PTGDS: variants seen among roughly 807,000 people sequenced by gnomAD.
PTGDS encodes the protein prostaglandin D2 synthase, also known as prostaglandin-H2 D-isomerase.
A neutral mutation model predicts 28.4 loss-of-function variants in PTGDS; 21 were observed. That is an observed-to-expected ratio of 0.74 (90% CI 0.52 to 1.07). PTGDS has a LOEUF of 1.07. Ranked by LOEUF, PTGDS falls within the 50% of genes least tolerant of loss-of-function variation. The pLI is 0.00. For missense variants in PTGDS, 243 were observed against 247.7 expected (o/e 0.98, Z 0.13); for synonymous variants, 102 against 106.0 (o/e 0.96, Z 0.23).
At chr9:136,978,805 G>A in intron 1 of PTGDS, 188 bp from the exon 2 acceptor site, 1 of 762,380 alleles carries the variant, frequency 1.3e-6, no homozygotes, top group Non-Finnish European at 2.1e-6. Context: ...CATCTCCTGG[G>A]GCGGGGATTG....
chr9:136,977,781 G>A, intron 1 of PTGDS, 89 bp downstream of exon 1: 9 of 1,228,324 alleles, frequency 7.3e-6, no homozygotes, highest in Admixed American at 2.6e-5. Context: ...CCTGGGAGGA[G>A]TGAGCGAAGT....
At chr9:136,980,424 T>A (rs1268631449) in intron 5 of PTGDS, 140 bp downstream of exon 5, 2 of 1,017,744 alleles carry the variant, frequency 2.0e-6, no homozygotes, top group East Asian at 2.6e-5. Flanking sequence ...GGGGTGAGTG[T>A]TCAAGTCAGA....
At position 136,980,038 on chromosome 9, in the gene PTGDS, G is replaced by A. The variant is rs1409572586; in HGVS notation, c.424G>A (p.Asp142Asn). 6.2e-7 allele frequency: 1 copy of A among 1,612,584 alleles called. No individual in the cohort carries two copies. The highest frequency in any genetic ancestry group is 8.5e-7 in the Non-Finnish European group (1 of 1,179,780). Residue 142 changes from aspartate to asparagine, a missense_variant, in exon 4 of 7, where the codon GAC becomes AAC. Asp to Asn is a conservative substitution (Grantham distance 23, BLOSUM62 1). Coordinates refer to ENST00000371625, the MANE Select transcript of PTGDS (RefSeq NM_000954.6). ...CCAGGGCAGCAAGGGCCCTGGCGAGGACTTCCGCATGGCCACCCTCTACAG... is the reference window on the plus strand; with the variant it reads ...CCAGGGCAGCAAGGGCCCTGGCGAGAACTTCCGCATGGCCACCCTCTACAG... ...YSQGSKGPGE[D>N]FRMATLYSRT... is the part of the protein sequence containing the mutation.
intron 6 of PTGDS, 69 bp downstream of exon 6, chr9:136,980,924 A>C: frequency 6.6e-7 from 1 of 1,514,466 alleles, no homozygotes; most frequent in Non-Finnish European, 8.9e-7. Context: ...CACCCAACCC[A>C]CTCTGCGATG....
Position 136,979,947 on chromosome 9 carries a change from C to A in PTGDS, c.333C>A (p.His111Gln). ...SLGSYSYRSP[H>Q]WGSTYSVSVV... Reference sequence around the variant, plus strand: ...CAGGGTTGTCTCTTGGGTTCCCAGACTGGGGCAGCACCTACTCCGTGTCAG... The same window carrying A: ...CAGGGTTGTCTCTTGGGTTCCCAGAATGGGGCAGCACCTACTCCGTGTCAG... Residue 111 changes from histidine to glutamine, a missense_variant and splice_region_variant, in exon 4 of 7, where the codon CAC becomes CAA. Physicochemically the swap from His to Gln is conservative, Grantham distance 24 (BLOSUM62 0). Coordinates refer to ENST00000371625, the MANE Select transcript of PTGDS (RefSeq NM_000954.6). 1 of 1,613,122 alleles carries A rather than the reference C, an allele frequency of 6.2e-7. No homozygotes were observed. Among genetic ancestry groups the A allele is most frequent in the Non-Finnish European group, 8.5e-7 (1 of 1,179,796 alleles).
At position 136,980,161 on chromosome 9, in the gene PTGDS, C is replaced by A. The variant is rs749275816; in HGVS notation, c.449-22C>A. On this transcript the variant is annotated intron_variant, in intron 4 of 6. Transcript: ENST00000371625. ...ACAGCATCCCCCCCGCTGAGGCCAG[C>A]TCCGTCTCCACCCTGTCCCAGGCCG... 3 of 1,612,608 alleles carry A rather than the reference C, an allele frequency of 1.9e-6. No homozygotes were observed. The South Asian group carries it at 3.3e-5, about 18-fold the overall frequency.
At position 136,979,012 on chromosome 9, in the gene PTGDS, G is replaced by C. The variant is rs1830416241; in HGVS notation, c.134G>C (p.Ser45Thr). The C allele has an allele frequency of 6.2e-7, 1 of 1,608,736 alleles. No homozygotes were observed. Among genetic ancestry groups the C allele is most frequent in the Non-Finnish European group, 8.5e-7 (1 of 1,178,188 alleles). ...QQDKFLGRWF[S>T]AGLASNSSWL... ...CCGCAGTTCCTGGGGCGCTGGTTCAGCGCGGGCCTCGCCTCCAACTCGAGC... is the reference window on the plus strand; with the variant it reads ...CCGCAGTTCCTGGGGCGCTGGTTCACCGCGGGCCTCGCCTCCAACTCGAGC... The change falls in exon 2 of 7, where the codon AGC becomes ACC. Residue 45 changes from serine to threonine, a missense_variant. By Grantham distance (58) the Ser-to-Thr change is moderately conservative. Coordinates refer to ENST00000371625, the MANE Select transcript of PTGDS (RefSeq NM_000954.6).
At position 136,979,142 on chromosome 9, in the gene PTGDS, C is replaced by G. The variant is rs752568845; in HGVS notation, c.254+10C>G. 3 of 1,612,752 alleles carry G rather than the reference C, an allele frequency of 1.9e-6. No homozygotes were observed. In the South Asian group the frequency reaches 3.3e-5, roughly 18 times the overall value. On this transcript the variant is annotated intron_variant, in intron 2 of 6. Coordinates refer to ENST00000371625, the MANE Select transcript of PTGDS (RefSeq NM_000954.6). ...CCTCCACCTTCCTCAGGTGGGACAG[C>G]GGGCAGGTGGGTTTCTGGGACGGAG...
chr9:136,981,073 C>A, intron 6 of PTGDS: 2 of 666,052 alleles, frequency 3.0e-6, no homozygotes, highest in Non-Finnish European at 4.9e-6. Flanking sequence ...GAAAACCTGT[C>A]CCAGTGGCTG....
rs11552178 is a variant in PTGDS at position 136,979,959 on chromosome 9, C to T, written c.345C>T (p.Thr115=). 6.2e-7 allele frequency: 1 copy of T among 1,613,182 alleles called. No individual in the cohort carries two copies. The highest frequency in any genetic ancestry group is 1.3e-5 in the African/African-American group (1 of 74,920). ...YSYRSPHWGS[T]YSVSVVETDY... The stretch of plus-strand genomic sequence containing the variant: ...TTGGGTTCCCAGACTGGGGCAGCAC[C>T]TACTCCGTGTCAGTGGTGGAGACCG... Residue 115 remains threonine (T), a synonymous_variant, in exon 4 of 7, where the codon ACC becomes ACT. Coordinates refer to ENST00000371625, the MANE Select transcript of PTGDS (RefSeq NM_000954.6).
At chr9:136,980,540 C>T in intron 5 of PTGDS, 1 of 1,073,500 alleles carries the variant, frequency 9.3e-7, no homozygotes, top group Non-Finnish European at 1.3e-6. Context: ...TGTGGGGCTT[C>T]AGCCTGGTGG....
At chr9:136,980,375 G>A in intron 5 of PTGDS, 91 bp downstream of exon 5, 32 of 1,407,540 alleles carry the variant, frequency 2.3e-5, no homozygotes, top group Non-Finnish European at 3.1e-5. Flanking sequence ...AGGGGAGGAG[G>A]TGGCCCCGCC....
intron 5 of PTGDS, chr9:136,980,544 C>A: frequency 9.1e-7 from 1 of 1,094,524 alleles, no homozygotes; most frequent in Non-Finnish European, 1.3e-6. Context: ...GGGCTTCAGC[C>A]TGGTGGGGGG....
intron 3 of PTGDS, 106 bp downstream of exon 3, chr9:136,979,405 A>G: frequency 6.4e-7 from 1 of 1,570,016 alleles, no homozygotes; most frequent in Non-Finnish European, 8.6e-7. Flanking sequence ...GTGGGAGGTG[A>G]TGGCTGCCCC....
At chr9:136,980,924 A>T in intron 6 of PTGDS, 69 bp downstream of exon 6, 1 of 1,514,466 alleles carries the variant, frequency 6.6e-7, no homozygotes, top group South Asian at 1.3e-5. Flanking sequence ...CACCCAACCC[A>T]CTCTGCGATG....
In PTGDS at chr9:136,977,556, G is replaced by A; in HGVS notation, c.-23G>A. ...CCCACACCACTGGCACCAGGCCCCG[G>A]ACACCCGCTCTGCTGCAGGAGAATG... On this transcript the variant is annotated 5_prime_UTR_variant, in exon 1 of 7. Coordinates refer to ENST00000371625, the MANE Select transcript of PTGDS (RefSeq NM_000954.6). 2 of 1,552,688 alleles carry A rather than the reference G, an allele frequency of 1.3e-6. No homozygotes were observed. Among genetic ancestry groups the A allele is most frequent in the Admixed American group, 1.9e-5 (1 of 53,814 alleles).
At position 136,979,997 on chromosome 9, in the gene PTGDS, A is replaced by G; in HGVS notation, c.383A>G (p.Tyr128Cys). Residue 128 changes from tyrosine to cysteine, a missense_variant, in exon 4 of 7, where the codon TAC becomes TGC. By Grantham distance (194) the Tyr-to-Cys change is radical. Coordinates refer to ENST00000371625, the MANE Select transcript of PTGDS (RefSeq NM_000954.6). The stretch of plus-strand genomic sequence containing the variant: ...GTGGTGGAGACCGACTACGACCAGT[A>G]CGCGCTGCTGTACAGCCAGGGCAGC... ...VSVVETDYDQ[Y>C]ALLYSQGSKG... The G allele has an allele frequency of 1.2e-6, 2 of 1,613,154 alleles. No homozygotes were observed. The highest frequency in any genetic ancestry group is 1.7e-6 in the Non-Finnish European group (2 of 1,179,924).
chr9:136,977,665 C>T lies in PTGDS; in HGVS notation c.87C>T (p.Ser29=), dbSNP rs748744537. The T allele has an allele frequency of 2.7e-5, 43 of 1,605,148 alleles. No individual in the cohort carries two copies. The highest frequency in any genetic ancestry group is 3.7e-5 in the Non-Finnish European group (43 of 1,176,962). Residue 29 remains serine (S), a synonymous_variant, in exon 1 of 7, where the codon TCC becomes TCT. Coordinates refer to ENST00000371625, the MANE Select transcript of PTGDS (RefSeq NM_000954.6). Reference sequence around the variant, plus strand: ...AGGCAGCACCGGAGGCCCAGGTCTCCGTGCAGCCCAACTTCCAGCAGGACA... The same window carrying T: ...AGGCAGCACCGGAGGCCCAGGTCTCTGTGCAGCCCAACTTCCAGCAGGACA... ...DLQAAPEAQV[S]VQPNFQQDKF...
At chr9:136,980,573 C>A in intron 5 of PTGDS, 1 of 1,286,928 alleles carries the variant, frequency 7.8e-7, no homozygotes, top group Non-Finnish European at 1.1e-6. Flanking sequence ...AGAGGGTGCC[C>A]ATGGGGGATA....
Sources: gnomAD v4.1 joint callset for allele counts on GRCh38, gnomAD v4.1.1 for gene constraint, MANE v1.5 for transcripts, NCBI Gene and HGNC (gene_info 2026-07-23, HGNC 2026-07-21) for gene names.